The following FRMPD4 variants were observed in gnomAD, a reference collection of about 807,000 sequenced individuals.
The protein encoded by FRMPD4 is FERM and PDZ domain containing 4.
In FRMPD4, 22 loss-of-function variants were observed where a neutral mutation model predicts 94.1. That is an observed-to-expected ratio of 0.23 (90% CI 0.17 to 0.33). The LOEUF (loss-of-function observed/expected upper bound fraction) is 0.33. Ranked by LOEUF, FRMPD4 falls within the 10% of genes least tolerant of loss-of-function variation. FRMPD4 has a pLI of 1.00. For synonymous variants in FRMPD4, 631 were observed against 548.6 expected, an observed-to-expected ratio of 1.15 and a Z score of -2.10; for missense variants, 1,111 against 1,339.9, an observed-to-expected ratio of 0.83 and a Z score of 2.67.
At chrX:11,879,648 A>G (rs750602807) in intron 3 of FRMPD4, among the ~76,000 whole-genome samples, 1 of 111,176 alleles carries the variant, frequency 9.0e-6, no homozygotes, top group Non-Finnish European at 1.9e-5. Context: ...TATCCAGGTT[A>G]CTATATTATT....
chrX:12,126,060 T>G (rs904280501), intron 3 of FRMPD4, among the ~76,000 whole-genome samples: 7 of 112,460 alleles, frequency 6.2e-5, no homozygotes, highest in Admixed American at 4.7e-4. Flanking sequence ...ACTCCATATA[T>G]CTGTCCCATA....
chrX:12,440,703 A>AG (rs1009823783), intron 1 of FRMPD4, among the ~76,000 whole-genome samples: 25 of 107,494 alleles, frequency 2.3e-4, no homozygotes, highest in African/African-American at 3.4e-4. Context: ...GGGACTTGGG[A>AG]GGGGGGGGAG....
At chrX:12,383,495 C>G (rs1472502365) in intron 1 of FRMPD4, among the ~76,000 whole-genome samples, 1 of 111,267 alleles carries the variant, frequency 9.0e-6, no homozygotes, top group Non-Finnish European at 1.9e-5. Context: ...TGTTGAGAAA[C>G]CCTGATTTAA....
At chrX:11,874,111 C>CT (rs2053770154) in intron 2 of FRMPD4, among the ~76,000 whole-genome samples, 1 of 111,956 alleles carries the variant, frequency 8.9e-6, no homozygotes, top group Non-Finnish European at 1.9e-5. Context: ...ATATAAATAC[C>CT]TTTTTTTGTG....
intron 16 of FRMPD4, among the ~76,000 whole-genome samples, chrX:12,720,009 G>GGAAAGGAAAA (rs2042191840): frequency 5.1e-5 from 2 of 39,337 alleles, no homozygotes; most frequent in African/African-American, 1.9e-4. Flanking sequence ...GGAAAGGAAA[G>GGAAAGGAAAA]GAAAGGAAAG....
chrX:12,136,695 C>T (rs2055599977), upstream of FRMPD4, among the ~76,000 whole-genome samples: 1 of 109,783 alleles, frequency 9.1e-6, no homozygotes. Flanking sequence ...AGGAGGGGCT[C>T]GGGGTAGGGG....
intron 1 of FRMPD4, among the ~76,000 whole-genome samples, chrX:12,250,054 G>C (rs1408782908): frequency 3.3e-4 from 29 of 88,310 alleles, no homozygotes; most frequent in Admixed American, 9.6e-4. Context: ...CTCTCTGTGT[G>C]TGTGTGTGTT....
chrX:12,662,011 A>G (rs138233280), intron 4 of FRMPD4, among the ~76,000 whole-genome samples: 2,038 of 111,264 alleles, frequency 0.018, 46 homozygotes, highest in African/African-American at 0.063. Flanking sequence ...AAGAGAAAAT[A>G]AAAAGCAAGC....
At chrX:12,106,696 C>G (rs1344476553) in intron 3 of FRMPD4, among the ~76,000 whole-genome samples, 1 of 111,685 alleles carries the variant, frequency 9.0e-6, no homozygotes, top group Non-Finnish European at 1.9e-5. Flanking sequence ...TCGGGTCACT[C>G]CCACCCTAAT....
At chrX:12,214,188 T>C (rs1456076112) in intron 1 of FRMPD4, among the ~76,000 whole-genome samples, 1 of 112,075 alleles carries the variant, frequency 8.9e-6, no homozygotes, top group Non-Finnish European at 1.9e-5. Context: ...ATTTTTTTTC[T>C]TGGTGACTGG....
intron 3 of FRMPD4, among the ~76,000 whole-genome samples, chrX:12,058,079 G>A (rs2054864605): frequency 9.0e-6 from 1 of 111,394 alleles, no homozygotes; most frequent in South Asian, 3.8e-4. Flanking sequence ...TAATTTTTAG[G>A]GGAAAATTAA....
intron 1 of FRMPD4, among the ~76,000 whole-genome samples, chrX:12,386,948 C>T (rs2056405003): frequency 8.9e-6 from 1 of 111,862 alleles, no homozygotes; most frequent in South Asian, 3.7e-4. Context: ...AAAGCATTTG[C>T]TGAACAGTTA....
intron 1 of FRMPD4, among the ~76,000 whole-genome samples, chrX:12,420,344 C>T (rs1018658091): frequency 8.0e-5 from 9 of 112,224 alleles, no homozygotes; most frequent in Non-Finnish European, 1.7e-4. Context: ...CTACTAATGG[C>T]AGTAGTCTCC....
At chrX:12,643,706 C>T (rs1190974933) in intron 4 of FRMPD4, among the ~76,000 whole-genome samples, 1 of 111,609 alleles carries the variant, frequency 9.0e-6, no homozygotes, top group Non-Finnish European at 1.9e-5. Flanking sequence ...GGGTGGATGA[C>T]AGTGCCAGTC....
chrX:12,070,639 C>T (rs1187516308), intron 3 of FRMPD4, among the ~76,000 whole-genome samples: 2 of 111,780 alleles, frequency 1.8e-5, no homozygotes, highest in Non-Finnish European at 3.8e-5. Flanking sequence ...TAAATAAAGG[C>T]CAGGGTGCAT....
chrX:12,678,727 AG>A (rs1176554064), intron 5 of FRMPD4, among the ~76,000 whole-genome samples: 4 of 112,366 alleles, frequency 3.6e-5, no homozygotes, highest in Admixed American at 2.8e-4. Flanking sequence ...AGGGAGGCTG[AG>A]GCAGGAGAAT....
At chrX:12,325,285 T>C (rs2055268986) in intron 1 of FRMPD4, among the ~76,000 whole-genome samples, 2 of 112,643 alleles carry the variant, frequency 1.8e-5, no homozygotes, top group Admixed American at 1.9e-4. Context: ...AATAACTCAA[T>C]TTCACTTTGA....
At chrX:12,715,562 C>T (rs2042063115) in intron 14 of FRMPD4, among the ~76,000 whole-genome samples, 1 of 112,089 alleles carries the variant, frequency 8.9e-6, no homozygotes, top group Non-Finnish European at 1.9e-5. Context: ...TATGGTAAAA[C>T]TCTGACGATC....
At chrX:12,416,445 A>G (rs761754713) in intron 1 of FRMPD4, among the ~76,000 whole-genome samples, 8 of 112,203 alleles carry the variant, frequency 7.1e-5, no homozygotes, top group Admixed American at 4.7e-4. Context: ...TGTATGGTGT[A>G]GCCTTTGAAG....
Sources: allele counts gnomAD v4.1 joint callset (sites outside exome capture counted in the v4.1 genomes callset), GRCh38; gene constraint gnomAD v4.1.1; transcripts MANE v1.5; gene names NCBI Gene and HGNC (gene_info 2026-07-23, HGNC 2026-07-21).